The following KCNMB4 variants were observed in gnomAD, a reference collection of about 807,000 sequenced individuals.
KCNMB4 encodes the protein calcium-activated potassium channel subunit beta-4.
In KCNMB4, 3 loss-of-function variants were observed where a neutral mutation model predicts 20.7. The ratio of observed to expected loss-of-function variants is 0.14; its 90% CI spans 0.07 to 0.37. The LOEUF (loss-of-function observed/expected upper bound fraction) is 0.37. KCNMB4 is among the 10% of genes least tolerant of loss of function. KCNMB4 has a pLI of 1.00. For synonymous variants in KCNMB4, 110 were observed against 113.4 expected, an observed-to-expected ratio of 0.97 and a Z score of 0.19; for missense variants, 168 against 265.9, an observed-to-expected ratio of 0.63 and a Z score of 2.56.
At chr12:70,430,154 C>T (rs887205582) in intron 2 of KCNMB4, among the ~76,000 whole-genome samples, 1 of 151,958 alleles carries the variant, frequency 6.6e-6, no homozygotes, top group African/African-American at 2.4e-5. Flanking sequence ...ATTCAAGCCC[C>T]TTGACCAATG....
At chr12:70,401,165 A>T (rs1868438566) in intron 2 of KCNMB4, among the ~76,000 whole-genome samples, 1 of 152,152 alleles carries the variant, frequency 6.6e-6, no homozygotes, top group Admixed American at 6.5e-5. Flanking sequence ...AGCTGGGACT[A>T]CAGGCACACA....
Position 70,431,592 on chromosome 12 carries a change from G to A in KCNMB4, c.*939G>A, listed in dbSNP as rs527973278. The A allele has an allele frequency of 2.7e-4, 40 of 150,922 alleles. 1 individual carries two copies. The highest frequency in any genetic ancestry group is 7.3e-4 in the African/African-American group (30 of 41,036). 9.3% of individuals were successfully genotyped at this position (150,922 alleles called of 1,614,324 possible). A position where few individuals can be genotyped will look rare whatever the true frequency, so the allele number is the denominator to read the frequency against. On this transcript the variant is annotated 3_prime_UTR_variant, in exon 3 of 3. Coordinates refer to ENST00000258111, the MANE Select transcript of KCNMB4 (RefSeq NM_014505.6). ...CTTTGTCCTTGCCTTGATGTTATGA[G>A]TATTAAAACCAGGAGGATTGCTGCC...
chr12:70,380,015 T>A (rs2136118943), intron 1 of KCNMB4, among the ~76,000 whole-genome samples: 1 of 152,350 alleles, frequency 6.6e-6, no homozygotes, highest in East Asian at 1.9e-4. Flanking sequence ...ACAACTTGGC[T>A]GTTTGGCAGA....
chr12:70,383,527 T>C (rs551740835), intron 1 of KCNMB4, among the ~76,000 whole-genome samples: 5 of 152,240 alleles, frequency 3.3e-5, no homozygotes, highest in Admixed American at 2.0e-4. Context: ...ACAAACGAGG[T>C]TGCTTAACTC....
intron 2 of KCNMB4, among the ~76,000 whole-genome samples, chr12:70,420,692 A>G (rs1869027852): frequency 6.6e-6 from 1 of 152,222 alleles, no homozygotes; most frequent in Non-Finnish European, 1.5e-5. Flanking sequence ...TACAGGCAGT[A>G]ATTTGCAGAT....
chr12:70,397,563 T>C (rs1336788820), intron 1 of KCNMB4, among the ~76,000 whole-genome samples: 2 of 152,156 alleles, frequency 1.3e-5, no homozygotes, highest in African/African-American at 4.8e-5. Context: ...AAAGCAAGAA[T>C]TTTTTTAAAA....
chr12:70,427,135 A>G (rs1869236306), intron 2 of KCNMB4, among the ~76,000 whole-genome samples: 1 of 152,204 alleles, frequency 6.6e-6, no homozygotes, highest in South Asian at 2.1e-4. Context: ...GTGATTATTT[A>G]TAAAGAAATT....
chr12:70,408,681 A>G (rs1860118163), intron 2 of KCNMB4, among the ~76,000 whole-genome samples: 1 of 152,140 alleles, frequency 6.6e-6, no homozygotes, highest in Non-Finnish European at 1.5e-5. Context: ...CCAAGGGTTG[A>G]GTCCATTTGT....
At chr12:70,384,168 T>G (rs949463156) in intron 1 of KCNMB4, among the ~76,000 whole-genome samples, 5 of 152,218 alleles carry the variant, frequency 3.3e-5, no homozygotes, top group Non-Finnish European at 1.5e-5. Context: ...ATTGTGTTCA[T>G]GTAAATTGAA....
chr12:70,386,629 T>A (rs964372857), intron 1 of KCNMB4, among the ~76,000 whole-genome samples: 1 of 150,362 alleles, frequency 6.7e-6, no homozygotes, highest in Admixed American at 6.6e-5. Flanking sequence ...TGGGGAAAGG[T>A]GCTTTCATGA....
intron 1 of KCNMB4, among the ~76,000 whole-genome samples, chr12:70,376,314 T>A (rs772059898): frequency 1.3e-5 from 2 of 152,058 alleles, no homozygotes; most frequent in Non-Finnish European, 2.9e-5. Flanking sequence ...CTTACCACTC[T>A]TGTTCAACAT....
At chr12:70,427,894 A>T (rs889713088) in intron 2 of KCNMB4, among the ~76,000 whole-genome samples, 1 of 152,242 alleles carries the variant, frequency 6.6e-6, no homozygotes, top group Non-Finnish European at 1.5e-5. Context: ...ACGCTGAAGC[A>T]TTTTACTAGA....
At chr12:70,374,939 T>A (rs911730299) in intron 1 of KCNMB4, among the ~76,000 whole-genome samples, 3 of 152,214 alleles carry the variant, frequency 2.0e-5, no homozygotes, top group Non-Finnish European at 4.4e-5. Context: ...TAAATATATT[T>A]ATGATTGTCT....
rs570561939 is a variant in KCNMB4, at chr12:70,422,619, G to C, written c.465-7866G>C. ...GATTTCTAATTAATAAAGCCTTTTT[G>C]TGCCAAGCTGACTTTAGAATAAAAT... On this transcript the variant is annotated intron_variant, in intron 2 of 2. Transcript: ENST00000258111. 19 of 1,029,542 alleles carry C rather than the reference G, an allele frequency of 1.8e-5. No homozygotes were observed. In the South Asian group the frequency reaches 2.2e-4, roughly 12 times the overall value. 63.8% of individuals were successfully genotyped at this position (1,029,542 alleles called of 1,614,324 possible). A position where few individuals can be genotyped will look rare whatever the true frequency, so the allele number is the denominator to read the frequency against.
At chr12:70,372,471 A>G (rs1346674341) in intron 1 of KCNMB4, among the ~76,000 whole-genome samples, 2 of 152,220 alleles carry the variant, frequency 1.3e-5, no homozygotes, top group African/African-American at 4.8e-5. Context: ...CAGGCAAAAG[A>G]TGGTGGTGGC....
intron 2 of KCNMB4, among the ~76,000 whole-genome samples, chr12:70,427,743 G>T (rs948668569): frequency 1.3e-5 from 2 of 152,052 alleles, no homozygotes; most frequent in African/African-American, 2.4e-5. Flanking sequence ...TTTGGTACAT[G>T]TTCTTCAAAC....
Position 70,412,733 on chromosome 12 carries a change from A to G in KCNMB4, c.464+12397A>G, listed in dbSNP as rs538894749. ...ATACAAATGGGGAAAATGTGCATAT[A>G]AAGATGGGACCTAAGATTTGGAACA... On this transcript the variant is annotated intron_variant, in intron 2 of 2. Transcript: ENST00000258111. Among the ~76,000 whole-genome samples the G allele has an allele frequency of 1.4e-3, 213 of 152,330 alleles. 1 individual carries two copies. Among genetic ancestry groups the G allele is most frequent in the Admixed American group, 4.4e-3 (68 of 15,302 alleles).
chr12:70,429,353 G>A (rs1041683333), intron 2 of KCNMB4, among the ~76,000 whole-genome samples: 1 of 152,124 alleles, frequency 6.6e-6, no homozygotes, highest in Non-Finnish European at 1.5e-5. Context: ...CTTACAAAAT[G>A]TAAACCTCTT....
intron 1 of KCNMB4, among the ~76,000 whole-genome samples, chr12:70,381,728 A>G (rs1883789452): frequency 6.6e-6 from 1 of 152,232 alleles, no homozygotes; most frequent in Admixed American, 6.5e-5. Flanking sequence ...AGGCATGGGA[A>G]GATTGGGAAT....
Sources: allele counts gnomAD v4.1 joint callset (sites outside exome capture counted in the v4.1 genomes callset), GRCh38; gene constraint gnomAD v4.1.1; transcripts MANE v1.5; gene names NCBI Gene and HGNC (gene_info 2026-07-23, HGNC 2026-07-21).